The following ZDHHC20 variants were observed in gnomAD, a reference collection of about 807,000 sequenced individuals.
The protein encoded by ZDHHC20 is zDHHC palmitoyltransferase 20.
ZDHHC20 carries 43 observed loss-of-function variants against 57.8 expected under a neutral mutation model. The observed-to-expected ratio is 0.74, with a 90% confidence interval of 0.58 to 0.96. The LOEUF (loss-of-function observed/expected upper bound fraction) is 0.96. ZDHHC20 is among the 40% of genes least tolerant of loss of function. ZDHHC20 has a pLI of 0.00. For missense variants in ZDHHC20, 391 were observed against 441.1 expected (o/e 0.89, Z 1.02); for synonymous variants, 157 against 153.0 (o/e 1.03, Z -0.19).
chr13:21,414,775 T>C (rs556889794), intron 3 of ZDHHC20, among the ~76,000 whole-genome samples: 2 of 152,104 alleles, frequency 1.3e-5, no homozygotes, highest in Non-Finnish European at 2.9e-5. Flanking sequence ...CTTGTTTATG[T>C]TTAATTGTTC....
At chr13:21,376,761 G>T in intron 12 of ZDHHC20, 106 bp from the exon 13 acceptor site, 1 of 626,968 alleles carries the variant, frequency 1.6e-6, no homozygotes, top group African/African-American at 1.9e-5. Context: ...AATATAACAA[G>T]ATGGAAAATG....
intron 1 of ZDHHC20, among the ~76,000 whole-genome samples, chr13:21,433,671 G>T (rs536074925): frequency 1.3e-5 from 2 of 151,906 alleles, no homozygotes; most frequent in East Asian, 3.9e-4. Context: ...TTTGTTTTTT[G>T]TTTGTTTGTT....
At chr13:21,404,783 A>G (rs1878220109) in intron 4 of ZDHHC20, among the ~76,000 whole-genome samples, 1 of 152,096 alleles carries the variant, frequency 6.6e-6, no homozygotes, top group Non-Finnish European at 1.5e-5. Flanking sequence ...GTCATGCAGA[A>G]TAGAGTTCCC....
intron 11 of ZDHHC20, among the ~76,000 whole-genome samples, chr13:21,379,275 A>G (rs1872793651): frequency 6.6e-6 from 1 of 151,340 alleles, no homozygotes; most frequent in Admixed American, 6.6e-5. Flanking sequence ...GTCCAGAATC[A>G]TTTTTCTTTT....
chr13:21,413,938 T>C (rs573379182), intron 3 of ZDHHC20, among the ~76,000 whole-genome samples, 166 bp from the exon 4 acceptor site: 115 of 152,290 alleles, frequency 7.6e-4, no homozygotes, highest in African/African-American at 2.6e-3. Flanking sequence ...ACAAAAACTG[T>C]ATACCTTTGG....
Position 21,391,755 on chromosome 13 carries a change from A to G in ZDHHC20, c.694T>C (p.Cys232Arg). ...GTTCTATTTTTTCCAACTAGCCAGC[A>G]GTGGTAGCTGAAAAGTGAGAGGACG... Reference protein sequence around the residue: ...ISVLSLFSYHCWLVGKNRTTI... With the variant: ...ISVLSLFSYHRWLVGKNRTTI... Residue 232 changes from cysteine (C) to arginine (R), a missense_variant, in exon 8 of 13, where the codon TGC becomes CGC. By Grantham distance (180) the Cys-to-Arg change is radical. Coordinates refer to ENST00000400590, the MANE Select transcript of ZDHHC20 (RefSeq NM_001330059.2). The G allele has an allele frequency of 6.2e-7, 1 of 1,612,208 alleles. No individual in the cohort carries two copies. The highest frequency in any genetic ancestry group is 8.5e-7 in the Non-Finnish European group (1 of 1,179,680).
At chr13:21,410,080 T>C (rs1417490293) in intron 4 of ZDHHC20, among the ~76,000 whole-genome samples, 1 of 152,214 alleles carries the variant, frequency 6.6e-6, no homozygotes, top group African/African-American at 2.4e-5. Flanking sequence ...GTGGTCATCC[T>C]TTCTGTTGAT....
chr13:21,409,097 C>G (rs572000923), intron 4 of ZDHHC20, among the ~76,000 whole-genome samples: 1 of 152,092 alleles, frequency 6.6e-6, no homozygotes, highest in South Asian at 2.1e-4. Flanking sequence ...TGCTAGGTTT[C>G]GGTATCAGGA....
At position 21,386,855 on chromosome 13, in the gene ZDHHC20, T is replaced by C. The variant is rs553685637; in HGVS notation, c.854+653A>G. ...TGACCCACTGTGTCTGGCTAATATC[T>C]AGAATTTTATACCAAGCAAAAATGT... On this transcript the variant is annotated intron_variant, in intron 9 of 12. Coordinates refer to ENST00000400590, the MANE Select transcript of ZDHHC20 (RefSeq NM_001330059.2). Among the ~76,000 whole-genome samples the C allele has an allele frequency of 7.9e-5, 12 of 152,290 alleles. No homozygotes were observed. In the South Asian group the frequency reaches 1.5e-3, roughly 18 times the overall value.
chr13:21,381,591 C>A, intron 10 of ZDHHC20, 42 bp from the exon 11 acceptor site: 1 of 1,318,376 alleles, frequency 7.6e-7, no homozygotes, highest in South Asian at 1.2e-5. Flanking sequence ...GCTTAATGCT[C>A]AACTATGGAT....
rs1871810348 is a variant in ZDHHC20 at position 21,374,936 on chromosome 13, T to C, written c.*1760A>G. 1 of 346,188 alleles carries C rather than the reference T, an allele frequency of 2.9e-6. No homozygotes were observed. The highest frequency in any genetic ancestry group is 2.2e-5 in the African/African-American group (1 of 46,048). 21.4% of individuals were successfully genotyped at this position (346,188 alleles called of 1,614,324 possible). ...ATTATTTGAGGTCAGGAGTTAGTGA[T>C]CAGCCTGGTCAACATGGTGAAACCT... On this transcript the variant is annotated 3_prime_UTR_variant, in exon 13 of 13. Transcript: ENST00000400590.
rs180992316 is a variant in ZDHHC20, at chr13:21,379,658, C to A, written c.1061-920G>T. Among the ~76,000 whole-genome samples, 3 of 152,206 alleles carry A rather than the reference C, an allele frequency of 2.0e-5. No individual in the cohort carries two copies. The East Asian group carries it at 5.8e-4, about 29-fold the overall frequency. On this transcript the variant is annotated intron_variant, in intron 11 of 12. Transcript: ENST00000400590. Reference sequence around the variant, plus strand: ...CATTAAAAAACAGATGTGTTTTAGACTGTAATGCTAGTTAAGTAGCCAGAC... The same window carrying A: ...CATTAAAAAACAGATGTGTTTTAGAATGTAATGCTAGTTAAGTAGCCAGAC...
At position 21,452,005 on chromosome 13, in the gene ZDHHC20, A is replaced by C. The variant is rs185468376; in HGVS notation, c.118+7049T>G. On this transcript the variant is annotated intron_variant, in intron 1 of 12. Transcript: ENST00000400590. ...GTGAAGTTCCATCTCCAAAAAAAAAACAAAAAAACACTTATTGTATGATTC... is the reference window on the plus strand; with the variant it reads ...GTGAAGTTCCATCTCCAAAAAAAAACCAAAAAAACACTTATTGTATGATTC... Among the ~76,000 whole-genome samples, 160 of 152,216 alleles carry C rather than the reference A, an allele frequency of 1.1e-3. 2 individuals are homozygous for C. Among genetic ancestry groups the C allele is most frequent in the African/African-American group, 3.6e-3 (148 of 41,520 alleles).
intron 1 of ZDHHC20, among the ~76,000 whole-genome samples, chr13:21,437,595 G>C (rs1299922005): frequency 6.6e-6 from 1 of 152,148 alleles, no homozygotes; most frequent in Admixed American, 6.5e-5. Context: ...AAAAACCCTA[G>C]GGCTCTGAAG....
At chr13:21,453,260 AG>A (rs1159244503) in intron 1 of ZDHHC20, among the ~76,000 whole-genome samples, 1 of 152,256 alleles carries the variant, frequency 6.6e-6, no homozygotes, top group Non-Finnish European at 1.5e-5. Flanking sequence ...ACTGGTCAAT[AG>A]GATATTGCAA....
At chr13:21,405,727 A>C (rs1034285219) in intron 4 of ZDHHC20, among the ~76,000 whole-genome samples, 1 of 152,206 alleles carries the variant, frequency 6.6e-6, no homozygotes, top group African/African-American at 2.4e-5. Flanking sequence ...CTATCGCTTA[A>C]AATTATTTAG....
intron 1 of ZDHHC20, among the ~76,000 whole-genome samples, chr13:21,452,308 AT>A (rs1419321786): frequency 6.6e-6 from 1 of 152,258 alleles, no homozygotes; most frequent in African/African-American, 2.4e-5. Context: ...TTTACTAAAA[AT>A]AACTGCATTG....
intron 12 of ZDHHC20, 58 bp downstream of exon 12, chr13:21,378,603 A>T: frequency 2.0e-6 from 2 of 1,020,630 alleles, no homozygotes; most frequent in South Asian, 3.4e-5. Context: ...TTGTTTAAAG[A>T]TTATGAAATA....
chr13:21,395,006 G>A (rs966739874), intron 7 of ZDHHC20, among the ~76,000 whole-genome samples: 1 of 151,608 alleles, frequency 6.6e-6, no homozygotes, highest in Non-Finnish European at 1.5e-5. Flanking sequence ...CTAACTATGA[G>A]TAGCAAGTTA....
Sources: allele counts gnomAD v4.1 joint callset (sites outside exome capture counted in the v4.1 genomes callset), GRCh38; gene constraint gnomAD v4.1.1; transcripts MANE v1.5; gene names NCBI Gene and HGNC (gene_info 2026-07-23, HGNC 2026-07-21).